THSD7B: variants seen among roughly 807,000 people sequenced by gnomAD.
THSD7B encodes thrombospondin type 1 domain containing 7B.
Under a neutral mutation model 213.6 loss-of-function variants are expected in THSD7B, and 138 were observed. The ratio of observed to expected loss-of-function variants is 0.65; its 90% CI spans 0.56 to 0.74. THSD7B has a LOEUF of 0.74. Among genes scored for constraint, THSD7B ranks in the 30% least tolerant of loss-of-function variants. The probability of loss-of-function intolerance (pLI) is 0.00; values close to 1 mark genes in which losing one functional copy is unlikely to be tolerated. For missense variants in THSD7B, 1,931 were observed against 1,991.5 expected (o/e 0.97, Z 0.58); for synonymous variants, 742 against 687.0 (o/e 1.08, Z -1.25).
chr2:137,102,398 GA>G (rs1688168527), intron 4 of THSD7B, among the ~76,000 whole-genome samples: 1 of 152,210 alleles, frequency 6.6e-6, no homozygotes, highest in Non-Finnish European at 1.5e-5. Flanking sequence ...CAACATCAAA[GA>G]CCAAAGTTAG....
chr2:136,812,282 G>A, intron 1 of THSD7B, among the ~76,000 whole-genome samples: 1 of 152,140 alleles, frequency 6.6e-6, no homozygotes, highest in East Asian at 1.9e-4. Context: ...TTACCATGTT[G>A]TTTGCATAGT....
chr2:137,098,717 G>A (rs1032558912), intron 4 of THSD7B, among the ~76,000 whole-genome samples: 6 of 152,088 alleles, frequency 3.9e-5, no homozygotes, highest in African/African-American at 1.4e-4. Flanking sequence ...CAGTTGCATG[G>A]CTTTGGGGGA....
chr2:137,558,303 A>G (rs1221198650), intron 15 of THSD7B, among the ~76,000 whole-genome samples: 2 of 152,220 alleles, frequency 1.3e-5, no homozygotes, highest in African/African-American at 2.4e-5. Context: ...ACATCGATGC[A>G]AAAATCCTTA....
chr2:137,460,001 G>A (rs1274512355), intron 15 of THSD7B, among the ~76,000 whole-genome samples: 1 of 152,134 alleles, frequency 6.6e-6, no homozygotes, highest in Non-Finnish European at 1.5e-5. Flanking sequence ...GTCAGCCATG[G>A]AAAAACTTTT....
At chr2:137,158,265 C>A (rs559736523) in intron 5 of THSD7B, among the ~76,000 whole-genome samples, 1 of 152,194 alleles carries the variant, frequency 6.6e-6, no homozygotes. Context: ...CCTTTACACA[C>A]AGTTCATCAG....
intron 2 of THSD7B, among the ~76,000 whole-genome samples, chr2:137,037,969 T>A (rs1686808716): frequency 9.8e-6 from 1 of 102,144 alleles, no homozygotes; most frequent in Non-Finnish European, 2.1e-5. Flanking sequence ...TTTCATGTAA[T>A]GTTTAGCAAA....
chr2:137,031,824 T>C (rs1443952061), intron 2 of THSD7B, among the ~76,000 whole-genome samples: 1 of 144,744 alleles, frequency 6.9e-6, no homozygotes, highest in Non-Finnish European at 1.5e-5. Flanking sequence ...TGGCATGCTT[T>C]TCTTTCCTTT....
At chr2:136,897,425 G>A (rs1683979393) in intron 2 of THSD7B, among the ~76,000 whole-genome samples, 1 of 146,854 alleles carries the variant, frequency 6.8e-6, no homozygotes, top group Admixed American at 6.8e-5. Context: ...AGCTCTTAAA[G>A]GTGGCACATC....
In THSD7B at chr2:136,767,479, GT is replaced by G. The variant is rs763581746; in HGVS notation, c.-36+1794del. Among the ~76,000 whole-genome samples the G allele has an allele frequency of 5.4e-3, 550 of 102,314 alleles. 3 individuals are homozygous for G. The highest frequency in any genetic ancestry group is 0.016 in the African/African-American group (524 of 32,390). 67.1% of individuals were successfully genotyped at this position (102,314 alleles called of 152,430 possible). A position where few individuals can be genotyped will look rare whatever the true frequency, so the allele number is the denominator to read the frequency against. On this transcript the variant is annotated intron_variant, in intron 1 of 27. Transcript: ENST00000409968. The stretch of plus-strand genomic sequence containing the variant: ...GAAGTGTGTGTGTGTGTGTGTGTGT[GT>G]TGTGTGTATTTGTGTGTGTGTGTTT...
intron 2 of THSD7B, among the ~76,000 whole-genome samples, chr2:137,009,502 CAAG>C (rs1444123639): frequency 6.6e-6 from 1 of 152,066 alleles, no homozygotes; most frequent in Non-Finnish European, 1.5e-5. Context: ...AAGACATACC[CAAG>C]ACTGGGTAAT....
chr2:137,122,806 A>T (rs999710431), intron 5 of THSD7B, among the ~76,000 whole-genome samples: 2 of 152,042 alleles, frequency 1.3e-5, no homozygotes, highest in African/African-American at 4.8e-5. Flanking sequence ...CCTGGCTCAG[A>T]CCTGTACCTG....
At chr2:137,281,466 G>T (rs1683010804) in intron 12 of THSD7B, among the ~76,000 whole-genome samples, 1 of 151,744 alleles carries the variant, frequency 6.6e-6, no homozygotes, top group African/African-American at 2.4e-5. Context: ...ATGCAGGTTT[G>T]TTACATATGT....
intron 15 of THSD7B, among the ~76,000 whole-genome samples, chr2:137,521,567 C>T (rs527784834): frequency 1.3e-5 from 2 of 152,178 alleles, no homozygotes; most frequent in Admixed American, 1.3e-4. Flanking sequence ...GTTCATCTCT[C>T]ACTGGTGGGC....
chr2:136,833,363 C>CAAAAAA lies in THSD7B; in HGVS notation c.-35-48763_-35-48758dup, dbSNP rs10639590. Among the ~76,000 whole-genome samples, 326 of 55,360 alleles carry CAAAAAA rather than the reference C, an allele frequency of 5.9e-3. 24 individuals are homozygous for CAAAAAA. Among genetic ancestry groups the CAAAAAA allele is most frequent in the African/African-American group, 0.019 (276 of 14,352 alleles). 36.3% of individuals were successfully genotyped at this position (55,360 alleles called of 152,430 possible). A position where few individuals can be genotyped will look rare whatever the true frequency, so the allele number is the denominator to read the frequency against. ...TCGGCGAAAGAGCGAGACTCCGTCTCAAAAAAAAAAAAAAAAAAAAAAAGA... is the reference window on the plus strand; with the variant it reads ...TCGGCGAAAGAGCGAGACTCCGTCTCAAAAAAAAAAAAAAAAAAAAAAAAAAAAAGA... On this transcript the variant is annotated intron_variant, in intron 1 of 27. Transcript: ENST00000409968.
At chr2:137,648,854 AT>A (rs2104810804) in intron 21 of THSD7B, among the ~76,000 whole-genome samples, 1 of 152,288 alleles carries the variant, frequency 6.6e-6, no homozygotes, top group Admixed American at 6.5e-5. Flanking sequence ...ACAGTTTTCC[AT>A]AATGGCTGTA....
chr2:137,061,926 T>C lies in THSD7B; in HGVS notation c.950+4696T>C, dbSNP rs571019968. The stretch of plus-strand genomic sequence containing the variant: ...ATTTTCTGAAAGAAATTGTTGAGAA[T>C]TGGTATAATTTTTCCCTTGAATGTT... On this transcript the variant is annotated intron_variant, in intron 3 of 27. Transcript: ENST00000409968. Among the ~76,000 whole-genome samples the C allele has an allele frequency of 1.8e-4, 27 of 151,956 alleles. 1 individual carries two copies. The South Asian group carries it at 5.2e-3, about 29-fold the overall frequency.
At chr2:137,639,207 G>GTGTCCCAGC (rs1261355389) in intron 20 of THSD7B, among the ~76,000 whole-genome samples, 1 of 152,144 alleles carries the variant, frequency 6.6e-6, no homozygotes, top group Non-Finnish European at 1.5e-5. Context: ...TTGGTGCCCT[G>GTGTCCCAGC]TGTCCCAGCT....
At chr2:137,433,241 T>C (rs1687222028) in intron 14 of THSD7B, among the ~76,000 whole-genome samples, 1 of 152,144 alleles carries the variant, frequency 6.6e-6, no homozygotes, top group Non-Finnish European at 1.5e-5. Flanking sequence ...AAATGTGATC[T>C]AAAAAGTGAA....
At chr2:137,371,983 G>A (rs1170822549) in intron 12 of THSD7B, among the ~76,000 whole-genome samples, 3 of 152,058 alleles carry the variant, frequency 2.0e-5, no homozygotes, top group Admixed American at 2.0e-4. Flanking sequence ...CAGGTATCTG[G>A]TAATCCTTCG....
Sources: gnomAD v4.1 joint callset for allele counts (sites outside exome capture counted in the v4.1 genomes callset) on GRCh38, gnomAD v4.1.1 for gene constraint, MANE v1.5 for transcripts, NCBI Gene and HGNC (gene_info 2026-07-23, HGNC 2026-07-21) for gene names.